Variants in MARVELD3 observed in about 807,000 individuals in gnomAD.
MARVELD3 encodes MARVEL domain containing 3.
Under a neutral mutation model 33.5 loss-of-function variants are expected in MARVELD3, and 28 were observed. The ratio of observed to expected loss-of-function variants is 0.84; its 90% CI spans 0.62 to 1.15. The LOEUF (loss-of-function observed/expected upper bound fraction) is 1.15. Ranked by LOEUF, MARVELD3 falls within the 50% of genes most tolerant of loss-of-function variation. The pLI is 0.00. For synonymous variants in MARVELD3, 241 were observed against 230.4 expected (o/e 1.05, Z -0.42); for missense variants, 582 against 547.6 (o/e 1.06, Z -0.63).
chr16:71,627,046 A>G (rs1227942006), intron 1 of MARVELD3, among the ~76,000 whole-genome samples: 1 of 152,148 alleles, frequency 6.6e-6, no homozygotes, highest in Non-Finnish European at 1.5e-5. Flanking sequence ...CCCGGCCCGC[A>G]TGGTCACAGG....
chr16:71,640,423 G>C, downstream of MARVELD3: 2 of 1,614,100 alleles, frequency 1.2e-6, no homozygotes, highest in Non-Finnish European at 1.7e-6. Flanking sequence ...GTCTTGAATG[G>C]GATGGTTCTC....
downstream of MARVELD3, chr16:71,640,288 T>C (rs2044607553): frequency 7.5e-7 from 1 of 1,332,522 alleles, no homozygotes; most frequent in South Asian, 1.4e-5. Flanking sequence ...AAAGTTGACA[T>C]TGAATCAACC....
chr16:71,641,744 GCT>G (rs2044621330), exon 3 of MARVELD3: 1 of 152,108 alleles, frequency 6.6e-6, no homozygotes, highest in Non-Finnish European at 1.5e-5. Flanking sequence ...ACAGAGCGAG[GCT>G]CTGTCTCAAA....
intron 1 of MARVELD3, among the ~76,000 whole-genome samples, chr16:71,627,078 C>A (rs2044480687): frequency 6.6e-6 from 1 of 152,202 alleles, no homozygotes. Context: ...GGGTTCAGAC[C>A]CTTGTCCCGT....
chr16:71,641,687 T>C (rs1192568369), exon 3 of MARVELD3: 1 of 152,296 alleles, frequency 6.6e-6, no homozygotes, highest in African/African-American at 2.4e-5. Flanking sequence ...AGGCAGAGGT[T>C]GCAGTGAGCA....
intron 2 of MARVELD3, among the ~76,000 whole-genome samples, chr16:71,632,059 G>A (rs1314020449): frequency 6.6e-6 from 1 of 152,146 alleles, no homozygotes; most frequent in Non-Finnish European, 1.5e-5. Context: ...ACACACAAAA[G>A]GACATAACCG....
At chr16:71,627,273 C>A (rs1378679655) in intron 1 of MARVELD3, among the ~76,000 whole-genome samples, 1 of 152,192 alleles carries the variant, frequency 6.6e-6, no homozygotes, top group Non-Finnish European at 1.5e-5. Context: ...GAGGCCGAGG[C>A]GGGCGGATCA....
downstream of MARVELD3, chr16:71,638,941 C>T (rs2044598847): frequency 6.6e-6 from 1 of 152,220 alleles, no homozygotes; most frequent in Admixed American, 6.6e-5. Context: ...TCCTTCCTCC[C>T]CCATCCCTAC....
intron 2 of MARVELD3, among the ~76,000 whole-genome samples, chr16:71,630,102 A>G (rs2044518434): frequency 6.6e-6 from 1 of 151,016 alleles, no homozygotes; most frequent in Non-Finnish European, 1.5e-5. Flanking sequence ...AAAAAAGGGA[A>G]AAAGGCTGGC....
intron 2 of MARVELD3, among the ~76,000 whole-genome samples, chr16:71,631,767 T>C (rs1002349257): frequency 2.6e-5 from 4 of 152,070 alleles, no homozygotes; most frequent in Admixed American, 2.0e-4. Context: ...ATAAATAAAA[T>C]GGTGACAGAG....
At position 71,626,693 on chromosome 16, in the gene MARVELD3, A is replaced by C. The variant is rs2044476404; in HGVS notation, c.464A>C (p.Glu155Ala). The C allele has an allele frequency of 6.7e-7, 1 of 1,487,196 alleles. No individual in the cohort carries two copies. The allele number at this position is 1,487,196 out of a possible 1,614,324, so 92.1% of individuals were successfully genotyped here. The change falls in exon 1 of 3, where the codon GAA becomes GCA. Residue 155 changes from glutamate (E) to alanine (A), a missense_variant. By Grantham distance (107) the Glu-to-Ala change is moderately radical. Coordinates refer to ENST00000268485, the MANE Select transcript of MARVELD3 (RefSeq NM_052858.6). This position sits in a 1 kb window ranked among gnomAD's most constrained non-coding sequence, Gnocchi z 5.3. Reference protein sequence around the residue: ...RKGDPGRRRPESEPPSERYLP... With the variant: ...RKGDPGRRRPASEPPSERYLP... ...GGAGACCCCGGGCGCCGCAGACCCGAAAGGTGAGAGGGGCCGGGGCGCTGC... is the reference window on the plus strand; with the variant it reads ...GGAGACCCCGGGCGCCGCAGACCCGCAAGGTGAGAGGGGCCGGGGCGCTGC...
At chr16:71,629,064 A>C (rs1351016042) in intron 1 of MARVELD3, 3 of 326,538 alleles carry the variant, frequency 9.2e-6, no homozygotes, top group Non-Finnish European at 1.6e-5. Flanking sequence ...TGCATGCTGA[A>C]CTGAGAACTT....
rs1327185647 is a variant in MARVELD3 at position 71,626,374 on chromosome 16, G to T, written c.145G>T (p.Gly49Trp). 6.5e-7 allele frequency: 1 copy of T among 1,546,424 alleles called. No individual in the cohort carries two copies. Among genetic ancestry groups the T allele is most frequent in the East Asian group, 2.4e-5 (1 of 40,854 alleles). ...CCCGCGCAGGAAGCGAAGCAGCGAC[G>T]GGAACCGGCGAAGGGACGGGGACCG... ...GDPRRKRSSDGNRRRDGDRDP... is the reference protein window; with the variant it reads ...GDPRRKRSSDWNRRRDGDRDP... Residue 49 changes from glycine to tryptophan, a missense_variant, in exon 1 of 3, where the codon GGG (glycine) becomes TGG (tryptophan). Transcript: ENST00000268485. This position sits in a 1 kb window ranked among gnomAD's most constrained non-coding sequence, Gnocchi z 5.3.
At chr16:71,632,048 C>T (rs2044538797) in intron 2 of MARVELD3, among the ~76,000 whole-genome samples, 1 of 152,164 alleles carries the variant, frequency 6.6e-6, no homozygotes, top group Non-Finnish European at 1.5e-5. Flanking sequence ...AAAGAAACCA[C>T]ACACACAAAA....
At chr16:71,640,998 C>G (rs1211339446), downstream of MARVELD3, 1 of 1,610,616 alleles carries the variant, frequency 6.2e-7, no homozygotes, top group Non-Finnish European at 8.5e-7. Flanking sequence ...CAGTGATGCA[C>G]CGGAATATCT....
In MARVELD3 at chr16:71,629,492, G is replaced by A. The variant is rs1227727410; in HGVS notation, c.593G>A (p.Arg198Lys). The A allele has an allele frequency of 6.4e-7, 1 of 1,566,578 alleles. No homozygotes were observed. Among genetic ancestry groups the A allele is most frequent in the South Asian group, 1.2e-5 (1 of 82,312 alleles). ...AAATGCAAATACTTGTGCACTGGGAGAGGTGAGCCGTTTTGCAGGCTGTTT... is the reference window on the plus strand; with the variant it reads ...AAATGCAAATACTTGTGCACTGGGAAAGGTGAGCCGTTTTGCAGGCTGTTT... ...CHKCKYLCTG[R>K]ACCQMLEVLL... The change falls in exon 2 of 3, where the codon AGA becomes AAA. Residue 198 changes from arginine (R) to lysine (K), a missense_variant and splice_region_variant. Coordinates refer to ENST00000268485, the MANE Select transcript of MARVELD3 (RefSeq NM_052858.6).
downstream of MARVELD3, among the ~76,000 whole-genome samples, chr16:71,639,553 TCTC>T (rs1474111713): frequency 1.3e-5 from 2 of 150,752 alleles, no homozygotes; most frequent in Non-Finnish European, 2.9e-5. Flanking sequence ...TTCAAGCAAT[TCTC>T]CTGCCTCAGC....
At position 71,626,405 on chromosome 16, in the gene MARVELD3, C is replaced by A; in HGVS notation, c.176C>A (p.Pro59Gln). ...GNRRRDGDRD[P>Q]ERDQERDGNR... ...CGGCGAAGGGACGGGGACCGGGACCCGGAGAGAGACCAGGAGAGGGACGGG... is the reference window on the plus strand; with the variant it reads ...CGGCGAAGGGACGGGGACCGGGACCAGGAGAGAGACCAGGAGAGGGACGGG... The change falls in exon 1 of 3, where the codon CCG becomes CAG. Residue 59 changes from proline to glutamine, a missense_variant. By Grantham distance (76) the Pro-to-Gln change is moderately conservative. Transcript: ENST00000268485. This position sits in a 1 kb window ranked among gnomAD's most constrained non-coding sequence, Gnocchi z 5.3. 1 of 1,546,286 alleles carries A rather than the reference C, an allele frequency of 6.5e-7. No individual in the cohort carries two copies.
At chr16:71,631,397 T>C (rs1382494140) in intron 2 of MARVELD3, among the ~76,000 whole-genome samples, 1 of 152,214 alleles carries the variant, frequency 6.6e-6, no homozygotes, top group Non-Finnish European at 1.5e-5. Context: ...TTACATTGCA[T>C]GTTTTCTTAA....
Sources: allele counts gnomAD v4.1 joint callset (sites outside exome capture counted in the v4.1 genomes callset), GRCh38; gene constraint gnomAD v4.1.1; non-coding constraint Gnocchi (gnomAD v3.1); transcripts MANE v1.5; gene names NCBI Gene and HGNC (gene_info 2026-07-23, HGNC 2026-07-21).